Variants in TBPL1 observed in about 807,000 individuals in gnomAD.
The protein encoded by TBPL1 is TATA-box binding protein like 1.
A neutral mutation model predicts 22.1 loss-of-function variants in TBPL1; 4 were observed. The observed-to-expected ratio is 0.18, with a 90% CI of 0.09 to 0.41. TBPL1 has a LOEUF of 0.41. Ranked by LOEUF, TBPL1 falls within the 10% of genes least tolerant of loss-of-function variation. The pLI, the probability that TBPL1 is intolerant of heterozygous loss-of-function variation, is 1.00. For missense variants in TBPL1, 115 were observed against 222.3 expected (o/e 0.52, Z 3.07); for synonymous variants, 64 against 71.0 (o/e 0.90, Z 0.50).
chr6:133,982,521 T>C, intron 2 of TBPL1, 47 bp from the exon 3 acceptor site: 2 of 1,541,296 alleles, frequency 1.3e-6, no homozygotes, highest in Non-Finnish European at 1.8e-6. Context: ...CAGAACCTTA[T>C]GTGAAAAATA....
At chr6:133,955,038 G>T (rs1466683492) in intron 1 of TBPL1, among the ~76,000 whole-genome samples, 2 of 152,084 alleles carry the variant, frequency 1.3e-5, no homozygotes, top group African/African-American at 4.8e-5. Context: ...TGCATTTTAA[G>T]ACATTAAGAA....
intron 6 of TBPL1, among the ~76,000 whole-genome samples, chr6:133,985,437 T>G (rs1562668783): frequency 6.7e-6 from 1 of 149,960 alleles, no homozygotes; most frequent in Non-Finnish European, 1.5e-5. Flanking sequence ...ACTCATAAAT[T>G]TCACAGAGGT....
chr6:133,986,377 A>G (rs1242840728), intron 6 of TBPL1, among the ~76,000 whole-genome samples: 2 of 152,224 alleles, frequency 1.3e-5, no homozygotes, highest in Non-Finnish European at 2.9e-5. Flanking sequence ...AATTAGCATA[A>G]TGCATGGTCA....
At chr6:133,985,365 T>G (rs1776501082) in intron 6 of TBPL1, among the ~76,000 whole-genome samples, 1 of 143,280 alleles carries the variant, frequency 7.0e-6, no homozygotes, top group East Asian at 2.0e-4. Flanking sequence ...GGTATATGTA[T>G]CCATAGTATG....
intron 1 of TBPL1, among the ~76,000 whole-genome samples, chr6:133,958,161 T>G (rs1775958804): frequency 6.6e-6 from 1 of 152,254 alleles, no homozygotes; most frequent in African/African-American, 2.4e-5. Flanking sequence ...TGGCACCATG[T>G]TGCAGCTATT....
At chr6:133,968,238 A>T (rs73774171) in intron 1 of TBPL1, among the ~76,000 whole-genome samples, 7,159 of 152,180 alleles carry the variant, frequency 0.047, 575 homozygotes, top group African/African-American at 0.16. Context: ...CCACCTGGCC[A>T]GGTGACTATT....
chr6:133,959,322 T>C (rs1583808049), intron 1 of TBPL1, among the ~76,000 whole-genome samples: 1 of 151,850 alleles, frequency 6.6e-6, no homozygotes, highest in Admixed American at 6.5e-5. Context: ...TTATGGGCAA[T>C]GGGCACGAGC....
At position 133,986,946 on chromosome 6, in the gene TBPL1, T is replaced by C. The variant is rs1031975330; in HGVS notation, c.482-15T>C. 2 of 1,586,116 alleles carry C rather than the reference T, an allele frequency of 1.3e-6. No homozygotes were observed. The highest frequency in any genetic ancestry group is 1.4e-5 in the African/African-American group (1 of 73,758). On this transcript the variant is annotated splice_polypyrimidine_tract_variant and intron_variant, in intron 6 of 6. Transcript: ENST00000237264. ...CCAACTCTTCTCACTCCTTCCTCCATTGTGTTTATTACAGGGCCCAATGTA... is the reference window on the plus strand; with the variant it reads ...CCAACTCTTCTCACTCCTTCCTCCACTGTGTTTATTACAGGGCCCAATGTA...
At chr6:133,958,589 T>C (rs560024459) in intron 1 of TBPL1, among the ~76,000 whole-genome samples, 6 of 152,316 alleles carry the variant, frequency 3.9e-5, no homozygotes, top group Non-Finnish European at 7.4e-5. Context: ...AATAGCTAAC[T>C]TTAAAAAGTT....
chr6:133,967,529 G>A (rs1390273505), intron 1 of TBPL1, among the ~76,000 whole-genome samples: 1 of 152,180 alleles, frequency 6.6e-6, no homozygotes, highest in Non-Finnish European at 1.5e-5. Context: ...GAACATCATA[G>A]AGTATAATTA....
chr6:133,983,242 C>T (rs1022392549), intron 4 of TBPL1, among the ~76,000 whole-genome samples: 8 of 152,182 alleles, frequency 5.3e-5, no homozygotes, highest in Non-Finnish European at 8.8e-5. Flanking sequence ...TGGCAGAGGC[C>T]GTTGACATGG....
At chr6:133,979,468 T>C (rs997295492) in intron 1 of TBPL1, among the ~76,000 whole-genome samples, 1 of 152,192 alleles carries the variant, frequency 6.6e-6, no homozygotes, top group African/African-American at 2.4e-5. Context: ...ATTACTGTGG[T>C]ACACCTGGAA....
Position 133,987,660 on chromosome 6 carries a change from A to ATATATATATATATATATATATG in TBPL1, c.*627_*628insATATATATATATATGTATATAT, listed in dbSNP as rs1014795332. On this transcript the variant is annotated 3_prime_UTR_variant, in exon 7 of 7. Transcript: ENST00000237264. ...TGTGTGTGTGTGTGTATATATATATATATATATGCACCACATGTGTATAGT... is the reference window on the plus strand; with the variant it reads ...TGTGTGTGTGTGTGTATATATATATATATATATATATATATATATATGTATATATGCACCACATGTGTATAGT... 6.9e-5 allele frequency: 10 copies of ATATATATATATATATATATATG among 145,010 alleles called. No homozygotes were observed. The highest frequency in any genetic ancestry group is 1.1e-4 in the Non-Finnish European group (7 of 64,626). The allele number at this position is 145,010 out of a possible 1,614,324, so 9.0% of individuals were successfully genotyped here. A position where few individuals can be genotyped will look rare whatever the true frequency, so the allele number is the denominator to read the frequency against.
chr6:133,970,754 C>G (rs1776206090), intron 1 of TBPL1, among the ~76,000 whole-genome samples: 1 of 152,032 alleles, frequency 6.6e-6, no homozygotes, highest in South Asian at 2.1e-4. Context: ...GCATGCACCA[C>G]CATACCTGGC....
At chr6:133,974,944 C>T (rs965163401) in intron 1 of TBPL1, among the ~76,000 whole-genome samples, 6 of 152,156 alleles carry the variant, frequency 3.9e-5, no homozygotes, top group Non-Finnish European at 7.4e-5. Context: ...TATCCAACTT[C>T]AGTCACACCT....
At chr6:133,968,161 G>T (rs1170163325) in intron 1 of TBPL1, among the ~76,000 whole-genome samples, 1 of 151,956 alleles carries the variant, frequency 6.6e-6, no homozygotes, top group East Asian at 1.9e-4. Context: ...GCTAATTTTT[G>T]TATTTTTAGT....
At chr6:133,967,070 C>G (rs955206535) in intron 1 of TBPL1, among the ~76,000 whole-genome samples, 4 of 152,186 alleles carry the variant, frequency 2.6e-5, no homozygotes, top group African/African-American at 9.7e-5. Context: ...ATGCCACTTT[C>G]CTTTTCACTT....
In TBPL1 at chr6:133,988,981, T is replaced by C. The variant is rs1412329664; in HGVS notation, c.*1941T>C. 6.6e-6 allele frequency: 1 copy of C among 152,194 alleles called. No homozygotes were observed. Among genetic ancestry groups the C allele is most frequent in the African/African-American group, 2.4e-5 (1 of 41,456 alleles). 9.4% of individuals were successfully genotyped at this position (152,194 alleles called of 1,614,324 possible). On this transcript the variant is annotated 3_prime_UTR_variant, in exon 7 of 7. Coordinates refer to ENST00000237264, the MANE Select transcript of TBPL1 (RefSeq NM_004865.4). ...TCCAGATGATGTAACCTTTTTAGTA[T>C]TCGCATGACTTGAAAACTGGGCAGA... is the stretch of plus-strand genomic sequence containing the variant.
Position 133,962,688 on chromosome 6 carries a change from T to G in TBPL1, c.-45+9263T>G, listed in dbSNP as rs533971047. On this transcript the variant is annotated intron_variant, in intron 1 of 6. Coordinates refer to ENST00000237264, the MANE Select transcript of TBPL1 (RefSeq NM_004865.4). ...CAGCCATAAGCTCATAGATAGCAACTGAGGCCTGAAAAGTTTAAAGAGGAA... is the reference window on the plus strand; with the variant it reads ...CAGCCATAAGCTCATAGATAGCAACGGAGGCCTGAAAAGTTTAAAGAGGAA... Among the ~76,000 whole-genome samples, 235 of 152,324 alleles carry G rather than the reference T, an allele frequency of 1.5e-3. 1 individual carries two copies. The highest frequency in any genetic ancestry group is 5.5e-3 in the African/African-American group (230 of 41,566).
Sources: allele counts gnomAD v4.1 joint callset (sites outside exome capture counted in the v4.1 genomes callset), GRCh38; gene constraint gnomAD v4.1.1; transcripts MANE v1.5; gene names NCBI Gene and HGNC (gene_info 2026-07-23, HGNC 2026-07-21).